MAP4K4: variants seen among roughly 807,000 people sequenced by gnomAD.
MAP4K4 encodes HPK/GCK-like kinase HGK.
In MAP4K4, 38 loss-of-function variants were observed where a neutral mutation model predicts 189.6. That is an observed-to-expected ratio of 0.20 (90% CI 0.15 to 0.26). The LOEUF is 0.26. Among genes scored for constraint, MAP4K4 ranks in the 10% least tolerant of loss-of-function variants. The probability of loss-of-function intolerance (pLI) is 1.00; values close to 1 mark genes in which losing one functional copy is unlikely to be tolerated. For synonymous variants in MAP4K4, 610 were observed against 624.3 expected (o/e 0.98, Z 0.34); for missense variants, 1,054 against 1,726.9 (o/e 0.61, Z 6.91).
intron 2 of MAP4K4, among the ~76,000 whole-genome samples, chr2:101,737,698 T>A (rs1300959459): frequency 2.0e-5 from 3 of 151,682 alleles, no homozygotes; most frequent in African/African-American, 7.3e-5. Context: ...AAGGCTGGGA[T>A]TCTATGTCTG....
chr2:101,811,112 A>G (rs112782969), intron 3 of MAP4K4, among the ~76,000 whole-genome samples: 111 of 152,104 alleles, frequency 7.3e-4, no homozygotes, highest in African/African-American at 2.5e-3. Context: ...GGTGGCTCAC[A>G]CCTGTAATCC....
chr2:101,871,993 C>T (rs758382726), intron 24 of MAP4K4, among the ~76,000 whole-genome samples: 4 of 152,030 alleles, frequency 2.6e-5, no homozygotes, highest in Non-Finnish European at 4.4e-5. Flanking sequence ...GTCCTCAGAC[C>T]GGTATTATGT....
chr2:101,835,905 T>C (rs945488941), exon 9 of MAP4K4: 1 of 1,612,010 alleles, frequency 6.2e-7, no homozygotes, highest in African/African-American at 1.3e-5. Flanking sequence ...CCCAGCTCTC[T>C]GTGACATGCA....
chr2:101,735,080 G>A (rs1295035875), intron 2 of MAP4K4, among the ~76,000 whole-genome samples: 1 of 152,164 alleles, frequency 6.6e-6, no homozygotes, highest in East Asian at 1.9e-4. Flanking sequence ...TGTCCAGCAC[G>A]AAAGCCCTTT....
rs751323380 is a variant in MAP4K4, at chr2:101,698,036, CAG to C, written c.-41_-40del. 131 of 1,277,014 alleles carry C rather than the reference CAG, an allele frequency of 1.0e-4. 1 individual carries two copies. The South Asian group carries it at 1.6e-3, about 15-fold the overall frequency. The allele number at this position is 1,277,014 out of a possible 1,614,324, so 79.1% of individuals were successfully genotyped here. A position where few individuals can be genotyped will look rare whatever the true frequency, so the allele number is the denominator to read the frequency against. ...TCTGCGGCTGAGATACACAGAGCGACAGAGACATTTATTGTTATTTGTTTTTT... is the reference window on the plus strand; with the variant it reads ...TCTGCGGCTGAGATACACAGAGCGACAGACATTTATTGTTATTTGTTTTTT... On this transcript the variant is annotated 5_prime_UTR_variant, in exon 1 of 33. Transcript: ENST00000324219.
chr2:101,764,824 C>T (rs371886560), intron 2 of MAP4K4, among the ~76,000 whole-genome samples: 9 of 152,256 alleles, frequency 5.9e-5, no homozygotes, highest in East Asian at 3.9e-4. Context: ...CCTGCATTCT[C>T]TCTTGTTTAT....
intron 2 of MAP4K4, among the ~76,000 whole-genome samples, chr2:101,736,142 G>A (rs1474368110): frequency 2.0e-5 from 3 of 152,214 alleles, no homozygotes. Context: ...ACAGTCCCCT[G>A]TGATAACCTC....
chr2:101,805,781 A>G (rs1402964807), intron 3 of MAP4K4, among the ~76,000 whole-genome samples: 3 of 152,182 alleles, frequency 2.0e-5, no homozygotes, highest in African/African-American at 7.2e-5. Flanking sequence ...ACTCTCTGCT[A>G]TCTTTGTTGG....
In MAP4K4 at chr2:101,801,000, C is replaced by G. The variant is rs190845243; in HGVS notation, c.180+10224C>G. On this transcript the variant is annotated intron_variant, in intron 3 of 32. Coordinates refer to ENST00000324219, the Ensembl canonical transcript of MAP4K4. ...ATAAATGGTTGAGTAAAAAAAATCG[C>G]CCAACAAATTTTGTATAATCTAAAT... Among the ~76,000 whole-genome samples, 278 of 148,726 alleles carry G rather than the reference C, an allele frequency of 1.9e-3. 3 individuals are homozygous for G. Among genetic ancestry groups the G allele is most frequent in the African/African-American group, 6.8e-3 (270 of 39,822 alleles).
At chr2:101,779,929 C>A (rs2086446180) in intron 2 of MAP4K4, among the ~76,000 whole-genome samples, 1 of 151,946 alleles carries the variant, frequency 6.6e-6, no homozygotes, top group Non-Finnish European at 1.5e-5. Context: ...AAAACAAATG[C>A]TGTTGTCAGA....
chr2:101,793,568 GTTTT>G (rs5832988), intron 3 of MAP4K4, among the ~76,000 whole-genome samples: 4 of 127,566 alleles, frequency 3.1e-5, no homozygotes, highest in Non-Finnish European at 3.3e-5. Flanking sequence ...ACTCTTCATG[GTTTT>G]TTTTTTTTTT....
exon 15 of MAP4K4, chr2:101,859,828 C>T (rs1463280571): frequency 1.2e-6 from 2 of 1,609,980 alleles, no homozygotes; most frequent in Non-Finnish European, 1.7e-6. Flanking sequence ...CTCCCGAGCC[C>T]AAAGCCCACT....
chr2:101,762,580 G>A (rs1374549328), intron 2 of MAP4K4, among the ~76,000 whole-genome samples: 1 of 152,198 alleles, frequency 6.6e-6, no homozygotes, highest in East Asian at 1.9e-4. Context: ...AGGTAAAACG[G>A]CTAAGTGGCA....
chr2:101,855,823 C>T (rs765634230), intron 12 of MAP4K4, among the ~76,000 whole-genome samples, 154 bp from the exon 13 acceptor site: 10 of 152,088 alleles, frequency 6.6e-5, no homozygotes, highest in Admixed American at 1.3e-4. Flanking sequence ...CTTATGGGTC[C>T]GAGGGGCAGT....
intron 2 of MAP4K4, among the ~76,000 whole-genome samples, chr2:101,770,920 C>T (rs2081121643): frequency 6.6e-6 from 1 of 152,184 alleles, no homozygotes; most frequent in African/African-American, 2.4e-5. Context: ...CCCACAGTTA[C>T]ATGCTTCTCG....
At chr2:101,783,443 A>T (rs60774679) in intron 2 of MAP4K4, among the ~76,000 whole-genome samples, 2,442 of 152,226 alleles carry the variant, frequency 0.016, 75 homozygotes, top group African/African-American at 0.055. Context: ...CTTTTCTTAT[A>T]ATCTTGAAGA....
rs531070259 is a variant in MAP4K4 at position 101,725,395 on chromosome 2, A to AAC, written c.123+26858_123+26859insCA. ...CCAGACTAAAAGATAAGCAAAAAAA[A>AAC]AAAAACAAAAACAAAAAAAAACCAA... On this transcript the variant is annotated intron_variant, in intron 2 of 32. Coordinates refer to ENST00000324219, the Ensembl canonical transcript of MAP4K4. 5.5e-3 allele frequency among the ~76,000 whole-genome samples: 825 copies of AAC among 151,354 alleles called. 9 individuals are homozygous for AAC. The highest frequency in any genetic ancestry group is 0.019 in the South Asian group (92 of 4,780).
At chr2:101,718,112 C>T (rs993735168) in intron 2 of MAP4K4, among the ~76,000 whole-genome samples, 13 of 151,828 alleles carry the variant, frequency 8.6e-5, no homozygotes, top group Non-Finnish European at 1.5e-4. Context: ...CAAAATTAGC[C>T]GGGCATGATG....
intron 2 of MAP4K4, among the ~76,000 whole-genome samples, chr2:101,748,051 C>G (rs1279099518): frequency 1.3e-5 from 2 of 152,178 alleles, no homozygotes; most frequent in Non-Finnish European, 2.9e-5. Flanking sequence ...CAGTTGTATA[C>G]ATTGTAGTCT....
Sources: gnomAD v4.1 joint callset for allele counts (sites outside exome capture counted in the v4.1 genomes callset) on GRCh38, gnomAD v4.1.1 for gene constraint, MANE v1.5 for transcripts, NCBI Gene and HGNC (gene_info 2026-07-23, HGNC 2026-07-21) for gene names.